The following ITCH variants were observed in gnomAD, a reference collection of about 807,000 sequenced individuals.
The protein encoded by ITCH is E3 ubiquitin-protein ligase Itchy homolog.
Under a neutral mutation model 126.8 loss-of-function variants are expected in ITCH, and 28 were observed. The observed-to-expected ratio is 0.22, with a 90% CI of 0.16 to 0.30. ITCH has a LOEUF of 0.30. Among genes scored for constraint, ITCH ranks in the 10% least tolerant of loss-of-function variants. The pLI is 1.00. For synonymous variants in ITCH, 342 were observed against 340.0 expected (o/e 1.01, Z -0.06); for missense variants, 631 against 1,032.4 (o/e 0.61, Z 5.33).
rs184377809 is a variant in ITCH, at chr20:34,492,650, T to G, written c.2416+53T>G. On this transcript the variant is annotated intron_variant, in intron 23 of 24. Transcript: ENST00000374864. ...ACAGAAAATTGTTTATCATGCTGCTTTACGTAAATGTGTATACAGCCTATT... is the reference window on the plus strand; with the variant it reads ...ACAGAAAATTGTTTATCATGCTGCTGTACGTAAATGTGTATACAGCCTATT... The G allele has an allele frequency of 1.7e-4, 198 of 1,143,952 alleles. No homozygotes were observed. In the African/African-American group the frequency reaches 2.7e-3, roughly 15 times the overall value. 70.9% of individuals were successfully genotyped at this position (1,143,952 alleles called of 1,614,324 possible). A position where few individuals can be genotyped will look rare whatever the true frequency, so the allele number is the denominator to read the frequency against.
At chr20:34,382,856 G>A (rs1210814554) in intron 2 of ITCH, among the ~76,000 whole-genome samples, 3 of 151,484 alleles carry the variant, frequency 2.0e-5, no homozygotes, top group Non-Finnish European at 2.9e-5. Context: ...CAATTCTCCT[G>A]CCTTAGCCTC....
chr20:34,435,175 T>G (rs1601893498), intron 7 of ITCH, among the ~76,000 whole-genome samples: 1 of 71,818 alleles, frequency 1.4e-5, no homozygotes, highest in Non-Finnish European at 4.7e-5. Flanking sequence ...TGTTTTTGGG[T>G]TTTTTTTTTT....
At chr20:34,436,536 AT>A (rs1372067909) in intron 7 of ITCH, among the ~76,000 whole-genome samples, 2 of 152,204 alleles carry the variant, frequency 1.3e-5, no homozygotes, top group African/African-American at 4.8e-5. Context: ...CATTCAGACC[AT>A]GTTCTGCAGG....
At chr20:34,463,809 T>C (rs1181383121) in intron 14 of ITCH, among the ~76,000 whole-genome samples, 1 of 151,990 alleles carries the variant, frequency 6.6e-6, no homozygotes, top group Admixed American at 6.6e-5. Context: ...TTTTTTTCTT[T>C]TGCGATTGAG....
intron 2 of ITCH, among the ~76,000 whole-genome samples, chr20:34,372,384 C>CTTTTTTTTTTTTTTTTTTTTTTTTTT (rs779017298): frequency 1.1e-5 from 1 of 93,156 alleles, no homozygotes; most frequent in African/African-American, 4.7e-5. Flanking sequence ...TTAAGTTCTA[C>CTTTTTTTTTTTTTTTTTTTTTTTTTT]TTTTTTTTTT....
In ITCH at chr20:34,507,280, TTTTTTTTTTG is replaced by T. The variant is rs1173250192; in HGVS notation, c.2490-414_2490-405del. ...TTTCTTCTGTTTTTTTTTTTTTTTTTTTTTTTTTTGGTTGTTGTTGTTGTTGTTTTGGTGT... is the reference window on the plus strand; with the variant it reads ...TTTCTTCTGTTTTTTTTTTTTTTTTTGTTGTTGTTGTTGTTGTTTTGGTGT... On this transcript the variant is annotated intron_variant, in intron 24 of 24. Coordinates refer to ENST00000374864, the MANE Select transcript of ITCH (RefSeq NM_031483.7). Among the ~76,000 whole-genome samples the T allele has an allele frequency of 1.4e-3, 129 of 91,826 alleles. 1 individual carries two copies. Among genetic ancestry groups the T allele is most frequent in the African/African-American group, 4.7e-3 (123 of 26,324 alleles). 60.2% of individuals were successfully genotyped at this position (91,826 alleles called of 152,430 possible).
intron 23 of ITCH, among the ~76,000 whole-genome samples, chr20:34,495,303 A>G (rs982785700): frequency 7.3e-5 from 10 of 137,678 alleles, no homozygotes; most frequent in African/African-American, 2.4e-4. Context: ...AAATATATAT[A>G]TATATATATA....
chr20:34,469,898 T>C (rs1277414005), intron 14 of ITCH, 150 bp from the exon 15 acceptor site: 3 of 715,774 alleles, frequency 4.2e-6, no homozygotes, highest in African/African-American at 1.7e-5. Flanking sequence ...GAAATATCTC[T>C]CAAAAAGCAA....
At chr20:34,420,427 G>A (rs1052178605) in intron 6 of ITCH, among the ~76,000 whole-genome samples, 4 of 152,168 alleles carry the variant, frequency 2.6e-5, no homozygotes. Context: ...TCTTATGGCT[G>A]TATGATAGTT....
intron 3 of ITCH, among the ~76,000 whole-genome samples, chr20:34,403,834 A>G (rs971870359): frequency 6.6e-6 from 1 of 152,166 alleles, no homozygotes; most frequent in Non-Finnish European, 1.5e-5. Context: ...CAGTAGAGGG[A>G]GCAGCATGTT....
chr20:34,469,416 G>A (rs953025659), intron 14 of ITCH, among the ~76,000 whole-genome samples: 2 of 151,866 alleles, frequency 1.3e-5, no homozygotes, highest in Non-Finnish European at 2.9e-5. Context: ...AGCCTCCCAA[G>A]TAGATGGGAT....
At chr20:34,420,790 A>G (rs911264249) in intron 6 of ITCH, among the ~76,000 whole-genome samples, 2 of 151,908 alleles carry the variant, frequency 1.3e-5, no homozygotes, top group Admixed American at 6.6e-5. Flanking sequence ...TTGTTCTTCG[A>G]TTGCAAGTTT....
chr20:34,433,303 A>C (rs898855712), intron 7 of ITCH, among the ~76,000 whole-genome samples: 1 of 152,250 alleles, frequency 6.6e-6, no homozygotes, highest in Non-Finnish European at 1.5e-5. Context: ...AAAAACAAAC[A>C]AACAAGCAAC....
chr20:34,431,103 G>A (rs1281215778), intron 7 of ITCH, among the ~76,000 whole-genome samples: 1 of 152,124 alleles, frequency 6.6e-6, no homozygotes, highest in Non-Finnish European at 1.5e-5. Flanking sequence ...ACCATAGGAA[G>A]AGAATGTTTA....
chr20:34,431,000 T>C (rs1982218318), intron 7 of ITCH, among the ~76,000 whole-genome samples: 1 of 152,116 alleles, frequency 6.6e-6, no homozygotes, highest in African/African-American at 2.4e-5. Flanking sequence ...ACTTAGATAC[T>C]GAGTGTCAAG....
At chr20:34,449,382 T>C (rs1984898479) in intron 11 of ITCH, 29 bp from the exon 12 acceptor site, 1 of 1,373,968 alleles carries the variant, frequency 7.3e-7, no homozygotes, top group Non-Finnish European at 1.0e-6. Context: ...AAGTTGTTAA[T>C]AGTTTCATCA....
At chr20:34,497,946 G>T (rs1989996617) in intron 23 of ITCH, among the ~76,000 whole-genome samples, 1 of 152,204 alleles carries the variant, frequency 6.6e-6, no homozygotes, top group African/African-American at 2.4e-5. Flanking sequence ...TATTAGTGGA[G>T]TATTAATTTT....
At chr20:34,431,064 A>G (rs1982226482) in intron 7 of ITCH, among the ~76,000 whole-genome samples, 1 of 152,146 alleles carries the variant, frequency 6.6e-6, no homozygotes, top group Non-Finnish European at 1.5e-5. Flanking sequence ...AGTATCGTTC[A>G]TAGAACCAAA....
chr20:34,454,223 C>T (rs1421290485), intron 12 of ITCH, among the ~76,000 whole-genome samples: 8 of 150,066 alleles, frequency 5.3e-5, no homozygotes, highest in South Asian at 2.1e-4. Context: ...CTGCAACCTC[C>T]GCCTCCCGGG....
Sources: allele counts gnomAD v4.1 joint callset (sites outside exome capture counted in the v4.1 genomes callset), GRCh38; gene constraint gnomAD v4.1.1; transcripts MANE v1.5; gene names NCBI Gene and HGNC (gene_info 2026-07-23, HGNC 2026-07-21).